The following PCDH15 variants were observed in gnomAD, a reference collection of about 807,000 sequenced individuals.
PCDH15 encodes protocadherin related 15.
Under a neutral mutation model 178.5 loss-of-function variants are expected in PCDH15, and 129 were observed. The observed-to-expected ratio is 0.72, with a 90% CI of 0.63 to 0.84. The LOEUF (loss-of-function observed/expected upper bound fraction) is 0.84. Among genes scored for constraint, PCDH15 ranks in the 40% least tolerant of loss-of-function variants. The probability of loss-of-function intolerance (pLI) is 0.00; values close to 1 mark genes in which losing one functional copy is unlikely to be tolerated. For synonymous variants in PCDH15, 800 were observed against 732.0 expected (o/e 1.09, Z -1.50); for missense variants, 2,230 against 2,099.9 (o/e 1.06, Z -1.21).
At chr10:54,366,836 G>A (rs957345587) in intron 5 of PCDH15, among the ~76,000 whole-genome samples, 2 of 151,752 alleles carry the variant, frequency 1.3e-5, no homozygotes, top group African/African-American at 4.8e-5. Context: ...TAGTGTCAAT[G>A]GGATAGGATG....
At chr10:54,082,983 C>A (rs1677672380) in intron 16 of PCDH15, among the ~76,000 whole-genome samples, 2 of 151,766 alleles carry the variant, frequency 1.3e-5, no homozygotes, top group African/African-American at 4.8e-5. Flanking sequence ...ACAGGATATA[C>A]AAATAATCAA....
intron 25 of PCDH15, among the ~76,000 whole-genome samples, chr10:53,935,340 T>A (rs2134019486): frequency 6.6e-6 from 1 of 152,316 alleles, no homozygotes; most frequent in African/African-American, 2.4e-5. Context: ...ATGACTGAAT[T>A]GTGTTATTAA....
At chr10:54,561,982 T>C (rs931914914) in intron 2 of PCDH15, among the ~76,000 whole-genome samples, 9 of 74,308 alleles carry the variant, frequency 1.2e-4, no homozygotes, top group African/African-American at 3.0e-4. Context: ...GCACCCAGCT[T>C]TTTTTTTTTT....
At chr10:53,839,535 T>C (rs974455071) in intron 29 of PCDH15, among the ~76,000 whole-genome samples, 3 of 152,150 alleles carry the variant, frequency 2.0e-5, no homozygotes, top group Admixed American at 6.6e-5. Context: ...GGCATGACTA[T>C]ATATACAGGC....
chr10:54,270,493 G>C (rs1434116268), intron 8 of PCDH15, among the ~76,000 whole-genome samples: 4 of 151,994 alleles, frequency 2.6e-5, no homozygotes, highest in African/African-American at 9.7e-5. Flanking sequence ...GGAAGGTATG[G>C]GTAAGTTGGG....
At chr10:54,563,952 A>G (rs1056556175) in intron 2 of PCDH15, among the ~76,000 whole-genome samples, 2 of 152,174 alleles carry the variant, frequency 1.3e-5, no homozygotes, top group African/African-American at 4.8e-5. Context: ...ATAGTGCATA[A>G]AAGCAAAGCA....
chr10:54,719,917 A>G (rs990125086), intron 1 of PCDH15, among the ~76,000 whole-genome samples: 4 of 151,998 alleles, frequency 2.6e-5, no homozygotes, highest in Non-Finnish European at 2.9e-5. Flanking sequence ...TTCTTTATCC[A>G]GTCTACTATT....
chr10:54,687,097 G>A lies in PCDH15; in HGVS notation c.-28-22807C>T, dbSNP rs149246899. On this transcript the variant is annotated intron_variant, in intron 1 of 37. Coordinates refer to ENST00000644397, the MANE Select transcript of PCDH15 (RefSeq NM_001384140.1). ...AAGAGATATCTCCTCACACCTGTCA[G>A]TATGGCTATTACAAAACAAAAACAA... Among the ~76,000 whole-genome samples the A allele has an allele frequency of 2.6e-5, 4 of 152,210 alleles. No homozygotes were observed. The East Asian group carries it at 5.8e-4, about 22-fold the overall frequency.
chr10:54,737,690 A>G (rs1249039998), intron 1 of PCDH15, among the ~76,000 whole-genome samples: 2 of 148,528 alleles, frequency 1.3e-5, no homozygotes, highest in South Asian at 4.2e-4. Flanking sequence ...ATTTTAGTCA[A>G]ACTTTGAAAC....
chr10:54,355,333 A>G (rs1373443681), intron 5 of PCDH15, among the ~76,000 whole-genome samples: 1 of 152,008 alleles, frequency 6.6e-6, no homozygotes, highest in African/African-American at 2.4e-5. Context: ...AATTTAGATT[A>G]TGTATCTCAT....
rs1272684175 is a variant in PCDH15, at chr10:54,195,711, A to G, written c.1277T>C (p.Ile426Thr). The G allele has an allele frequency of 6.2e-7, 1 of 1,613,996 alleles. No individual in the cohort carries two copies. The change falls in exon 11 of 38, where the codon ATA becomes ACA. Residue 426 changes from isoleucine (I) to threonine (T), a missense_variant. By Grantham distance (89) the Ile-to-Thr change is moderately conservative. Coordinates refer to ENST00000644397, the MANE Select transcript of PCDH15 (RefSeq NM_001384140.1). ...DSLNLTSPLR[I>T]VALDKDIEDT... ...TTCTATGTCCTTGTCCAGAGCTACTATTCTTAAAGGTGAAGTCAAATTGAG... is the reference window on the plus strand; with the variant it reads ...TTCTATGTCCTTGTCCAGAGCTACTGTTCTTAAAGGTGAAGTCAAATTGAG...
At chr10:54,581,502 G>T (rs1219797) in intron 2 of PCDH15, among the ~76,000 whole-genome samples, 3,669 of 152,052 alleles carry the variant, frequency 0.024, 96 homozygotes, top group African/African-American at 0.071. Context: ...TGGTCATACT[G>T]CCCAAAGCAA....
At chr10:55,449,211 A>G (rs575839122) in intron 2 of PCDH15, among the ~76,000 whole-genome samples, 1 of 152,064 alleles carries the variant, frequency 6.6e-6, no homozygotes, top group Non-Finnish European at 1.5e-5. Flanking sequence ...TTTTACATCC[A>G]AAGCTTGGCT....
Position 55,524,056 on chromosome 10 carries a change from A to G in PCDH15, c.-156+103569T>C, listed in dbSNP as rs959019889. On this transcript the variant is annotated intron_variant, in intron 2 of 5. Transcript: ENST00000613346. ...TGCTGAAAACTGGCGTACATGTAAA[A>G]ACCTTTTTTTTTTTTAGCAGCATTT... Among the ~76,000 whole-genome samples, 6 of 135,288 alleles carry G rather than the reference A, an allele frequency of 4.4e-5. No homozygotes were observed. The Admixed American group carries it at 4.5e-4, about 10-fold the overall frequency. The allele number at this position is 135,288 out of a possible 152,430, so 88.8% of individuals were successfully genotyped here.
intron 2 of PCDH15, among the ~76,000 whole-genome samples, chr10:54,545,543 A>C (rs2133066344): frequency 6.6e-6 from 1 of 152,192 alleles, no homozygotes; most frequent in Middle Eastern, 3.4e-3. Context: ...TATATAAAGA[A>C]AGAAAGGAGA....
At chr10:55,031,400 A>T (rs1840605464) in intron 2 of PCDH15, among the ~76,000 whole-genome samples, 1 of 152,218 alleles carries the variant, frequency 6.6e-6, no homozygotes, top group Non-Finnish European at 1.5e-5. Flanking sequence ...TTAGCTAAAA[A>T]TAGAGAAATT....
intron 1 of PCDH15, among the ~76,000 whole-genome samples, chr10:55,180,309 G>T (rs1173765163): frequency 6.6e-6 from 1 of 152,098 alleles, no homozygotes; most frequent in East Asian, 1.9e-4. Context: ...TGGGGAACAG[G>T]TCACAAAATG....
intron 2 of PCDH15, among the ~76,000 whole-genome samples, chr10:54,934,345 T>G (rs926763982): frequency 1.3e-5 from 2 of 152,152 alleles, no homozygotes; most frequent in African/African-American, 4.8e-5. Context: ...ATTATGTTAA[T>G]AGTTATATAT....
chr10:54,364,930 A>G (rs546930399), intron 5 of PCDH15, among the ~76,000 whole-genome samples: 1 of 152,182 alleles, frequency 6.6e-6, no homozygotes, highest in South Asian at 2.1e-4. Context: ...GCTATATTAT[A>G]GCTCCACTGG....
Sources: allele counts gnomAD v4.1 joint callset (sites outside exome capture counted in the v4.1 genomes callset), GRCh38; gene constraint gnomAD v4.1.1; transcripts MANE v1.5; gene names NCBI Gene and HGNC (gene_info 2026-07-23, HGNC 2026-07-21).